Variants in RERE observed in about 807,000 individuals in gnomAD.
The protein encoded by RERE is arginine-glutamic acid dipeptide repeats.
A neutral mutation model predicts 146.1 loss-of-function variants in RERE; 40 were observed. The ratio of observed to expected loss-of-function variants is 0.27; its 90% CI spans 0.21 to 0.36. The LOEUF (loss-of-function observed/expected upper bound fraction) is 0.36, where lower values mean the gene tolerates loss of function less well. Among genes scored for constraint, RERE ranks in the 10% least tolerant of loss-of-function variants. RERE has a pLI of 1.00. For missense variants in RERE, 1,933 were observed against 2,138.7 expected, an observed-to-expected ratio of 0.90 and a Z score of 1.90; for synonymous variants, 1,003 against 866.0, an observed-to-expected ratio of 1.16 and a Z score of -2.78.
intron 8 of RERE, among the ~76,000 whole-genome samples, chr1:8,504,939 C>G (rs1283940820): frequency 6.6e-6 from 1 of 152,114 alleles, no homozygotes; most frequent in Admixed American, 6.6e-5. Flanking sequence ...TTACCACCAC[C>G]CAGGAAGCAT....
At chr1:8,463,795 G>C (rs1644558669) in intron 11 of RERE, among the ~76,000 whole-genome samples, 2 of 152,200 alleles carry the variant, frequency 1.3e-5, no homozygotes, top group Admixed American at 6.5e-5. Flanking sequence ...AGATGGCCAG[G>C]AACTGAGGGA....
intron 7 of RERE, among the ~76,000 whole-genome samples, chr1:8,535,779 A>C (rs1338042256): frequency 2.0e-5 from 3 of 152,106 alleles, no homozygotes; most frequent in Admixed American, 6.5e-5. Context: ...GAAGGGAGAA[A>C]AGGATGAGAA....
chr1:8,712,813 A>T (rs1639694858), intron 1 of RERE, among the ~76,000 whole-genome samples: 2 of 152,076 alleles, frequency 1.3e-5, no homozygotes, highest in Non-Finnish European at 2.9e-5. Context: ...AAAAAAAAAC[A>T]CAGGATGTAA....
At chr1:8,371,553 G>A (rs1642037627) in intron 12 of RERE, among the ~76,000 whole-genome samples, 1 of 152,168 alleles carries the variant, frequency 6.6e-6, no homozygotes, top group Admixed American at 6.5e-5. Flanking sequence ...CTAGCGGAGG[G>A]ACAGCTCAGC....
At chr1:8,739,755 A>ACAGGTCCTACCTTCTT (rs1241939893) in intron 1 of RERE, among the ~76,000 whole-genome samples, 1 of 152,040 alleles carries the variant, frequency 6.6e-6, no homozygotes, top group Admixed American at 6.5e-5. Context: ...ATCAAGTCCC[A>ACAGGTCCTACCTTCTT]CAGGTCCTAC....
At chr1:8,693,816 TA>T (rs931732388) in intron 1 of RERE, among the ~76,000 whole-genome samples, 19 of 152,250 alleles carry the variant, frequency 1.2e-4, no homozygotes, top group African/African-American at 4.6e-4. Context: ...AAGATGTTAA[TA>T]GGGGAAACTG....
At chr1:8,490,486 C>T (rs1032922606) in intron 10 of RERE, among the ~76,000 whole-genome samples, 2 of 150,246 alleles carry the variant, frequency 1.3e-5, no homozygotes, top group Non-Finnish European at 2.9e-5. Context: ...ACTCATACAA[C>T]AATGTTGAAA....
In RERE at chr1:8,638,775, GAAA is replaced by G. The variant is rs1194181572; in HGVS notation, c.326-14398_326-14396del. Among the ~76,000 whole-genome samples, 31 of 139,030 alleles carry G rather than the reference GAAA, an allele frequency of 2.2e-4. 1 individual carries two copies. Among genetic ancestry groups the G allele is most frequent in the African/African-American group, 7.9e-4 (29 of 36,656 alleles). The allele number at this position is 139,030 out of a possible 152,430, so 91.2% of individuals were successfully genotyped here. ...AAAATGCAGAAGGAAACTCATAGAC[GAAA>G]AAAAATTTTTTTTTTTTTTTTTTTT... is the stretch of plus-strand genomic sequence containing the variant. On this transcript the variant is annotated intron_variant, in intron 2 of 22. Coordinates refer to ENST00000400908, the MANE Select transcript of RERE (RefSeq NM_001042681.2).
chr1:8,657,000 T>C (rs1362907856), intron 1 of RERE, among the ~76,000 whole-genome samples: 1 of 152,150 alleles, frequency 6.6e-6, no homozygotes, highest in African/African-American at 2.4e-5. Flanking sequence ...TTTGCAGCAC[T>C]GTCAAAAATG....
chr1:8,674,775 A>C (rs1013155319), intron 1 of RERE, among the ~76,000 whole-genome samples: 1 of 152,232 alleles, frequency 6.6e-6, no homozygotes, highest in Non-Finnish European at 1.5e-5. Context: ...CAAGCAAAGT[A>C]ATCATTTCAT....
chr1:8,793,140 G>A (rs1307349769), intron 1 of RERE, among the ~76,000 whole-genome samples: 1 of 120,860 alleles, frequency 8.3e-6, no homozygotes, highest in Non-Finnish European at 1.6e-5. Flanking sequence ...CTGGGAGACA[G>A]AATGAGACTC....
At chr1:8,472,446 G>A (rs1025299619) in intron 10 of RERE, among the ~76,000 whole-genome samples, 9 of 152,134 alleles carry the variant, frequency 5.9e-5, no homozygotes, top group African/African-American at 1.7e-4. Context: ...ATTTTCTACC[G>A]TTTTCCTAAG....
chr1:8,517,143 C>T (rs1423019808), intron 7 of RERE, among the ~76,000 whole-genome samples: 2 of 152,152 alleles, frequency 1.3e-5, no homozygotes, highest in Non-Finnish European at 2.9e-5. Context: ...TGAGACCACT[C>T]TGTGGTATCT....
chr1:8,607,534 C>CTTTTTTTTTTTCTTTTTTTTTT (rs1646733742), intron 4 of RERE, among the ~76,000 whole-genome samples: 1 of 48,584 alleles, frequency 2.1e-5, no homozygotes, highest in Non-Finnish European at 3.5e-5. Flanking sequence ...ATATATATTT[C>CTTTTTTTTTTTCTTTTTTTTTT]TTTTTTTTTT....
intron 1 of RERE, among the ~76,000 whole-genome samples, chr1:8,660,191 A>C (rs1336760939): frequency 6.6e-6 from 1 of 152,206 alleles, no homozygotes. Context: ...ATTTGGCTCT[A>C]AAATACAGCT....
chr1:8,683,400 AGAAAT>A lies in RERE; in HGVS notation c.-144-26964_-144-26960del, dbSNP rs916587182. On this transcript the variant is annotated intron_variant, in intron 1 of 22. Coordinates refer to ENST00000400908, the MANE Select transcript of RERE (RefSeq NM_001042681.2). ...TCTAATCATTCTACTTAAAGACTAA[AGAAAT>A]GAAATGGCTGGACCCTGCTAAAGAG... is the stretch of plus-strand genomic sequence containing the variant. 1.3e-4 allele frequency among the ~76,000 whole-genome samples: 20 copies of A among 152,272 alleles called. No homozygotes were observed. The East Asian group carries it at 3.9e-3, about 29-fold the overall frequency.
intron 12 of RERE, among the ~76,000 whole-genome samples, chr1:8,420,521 T>C (rs1314918474): frequency 6.6e-6 from 1 of 151,838 alleles, no homozygotes; most frequent in Non-Finnish European, 1.5e-5. Flanking sequence ...CTAGAGAAAA[T>C]AAGAAAACAC....
intron 12 of RERE, among the ~76,000 whole-genome samples, chr1:8,413,115 G>C (rs562441438): frequency 6.6e-6 from 1 of 152,084 alleles, no homozygotes; most frequent in Admixed American, 6.6e-5. Context: ...TTATACATGC[G>C]TGAACACACA....
At chr1:8,714,130 T>C (rs1456025263) in intron 1 of RERE, among the ~76,000 whole-genome samples, 1 of 152,234 alleles carries the variant, frequency 6.6e-6, no homozygotes, top group Non-Finnish European at 1.5e-5. Context: ...TAATTTTCTA[T>C]TTGATAGTTA....
Sources: allele counts gnomAD v4.1 joint callset (sites outside exome capture counted in the v4.1 genomes callset), GRCh38; gene constraint gnomAD v4.1.1; transcripts MANE v1.5; gene names NCBI Gene and HGNC (gene_info 2026-07-23, HGNC 2026-07-21).